Variants in LUZP2 observed in about 807,000 individuals in gnomAD.
LUZP2 encodes the protein leucine zipper protein 2.
A neutral mutation model predicts 51.6 loss-of-function variants in LUZP2; 52 were observed. The observed-to-expected ratio is 1.01, with a 90% CI of 0.81 to 1.27. The LOEUF is 1.27. Among genes scored for constraint, LUZP2 ranks in the 50% most tolerant of loss-of-function variants. LUZP2 has a pLI of 0.00. For missense variants in LUZP2, 436 were observed against 395.4 expected (o/e 1.10, Z -0.87); for synonymous variants, 154 against 137.3 (o/e 1.12, Z -0.85).
intron 10 of LUZP2, among the ~76,000 whole-genome samples, chr11:25,070,797 GTGTGTGT>G (rs1859135738): frequency 6.6e-6 from 1 of 151,138 alleles, no homozygotes; most frequent in Non-Finnish European, 1.5e-5. Flanking sequence ...GTGTGTGTGT[GTGTGTGT>G]GTGTGTGTGT....
chr11:24,677,930 G>A (rs972230348), intron 1 of LUZP2, among the ~76,000 whole-genome samples: 15 of 151,908 alleles, frequency 9.9e-5, no homozygotes, highest in African/African-American at 3.6e-4. Flanking sequence ...CCAGCTACTC[G>A]GGAGGCTGAG....
At chr11:24,854,177 G>A (rs1851481787) in intron 5 of LUZP2, among the ~76,000 whole-genome samples, 1 of 152,336 alleles carries the variant, frequency 6.6e-6, no homozygotes, top group African/African-American at 2.4e-5. Context: ...TCTCTTCAGA[G>A]CCAACAGGCA....
chr11:24,639,281 A>G (rs1855203857), intron 1 of LUZP2, among the ~76,000 whole-genome samples: 1 of 151,702 alleles, frequency 6.6e-6, no homozygotes, highest in South Asian at 2.1e-4. Context: ...GATGGGTCAT[A>G]GTGATTTTCT....
At chr11:24,870,459 A>G (rs1369555533) in intron 5 of LUZP2, among the ~76,000 whole-genome samples, 1 of 142,030 alleles carries the variant, frequency 7.0e-6, no homozygotes, top group African/African-American at 2.6e-5. Context: ...ATCTATGAGC[A>G]CACCAGTTCC....
At chr11:24,905,902 C>A in intron 5 of LUZP2, 89 bp from the exon 6 acceptor site, 2 of 869,550 alleles carry the variant, frequency 2.3e-6, no homozygotes, top group Admixed American at 2.1e-5. Flanking sequence ...AATTTTTGAA[C>A]AGAACATAAA....
intron 1 of LUZP2, among the ~76,000 whole-genome samples, chr11:24,514,650 A>C (rs1850408867): frequency 6.7e-6 from 1 of 148,288 alleles, no homozygotes; most frequent in Admixed American, 6.7e-5. Flanking sequence ...TTGTTAACAT[A>C]ATTTTCTTAA....
At chr11:24,500,646 T>C (rs1389752436) in intron 1 of LUZP2, among the ~76,000 whole-genome samples, 1 of 152,146 alleles carries the variant, frequency 6.6e-6, no homozygotes, top group African/African-American at 2.4e-5. Context: ...TACGCTGTGG[T>C]TATACTCTTG....
At chr11:25,018,437 A>G (rs12274531) in intron 9 of LUZP2, among the ~76,000 whole-genome samples, 87,519 of 151,776 alleles carry the variant, frequency 0.58, 26,630 homozygotes, top group African/African-American at 0.77. Context: ...GTCAGCATGC[A>G]TTATTTAGAA....
intron 9 of LUZP2, among the ~76,000 whole-genome samples, chr11:25,046,802 C>G (rs1026298909): frequency 6.6e-6 from 1 of 151,868 alleles, no homozygotes; most frequent in Non-Finnish European, 1.5e-5. Flanking sequence ...TTTTTTAGAC[C>G]TGTAAAGTAT....
At chr11:24,755,433 A>G (rs1859738528) in intron 4 of LUZP2, among the ~76,000 whole-genome samples, 1 of 152,174 alleles carries the variant, frequency 6.6e-6, no homozygotes, top group South Asian at 2.1e-4. Context: ...AGACAGACTC[A>G]CATCTGAGCT....
At chr11:25,021,418 A>G (rs1299430164) in intron 9 of LUZP2, among the ~76,000 whole-genome samples, 1 of 81,102 alleles carries the variant, frequency 1.2e-5, no homozygotes, top group East Asian at 4.0e-4. Context: ...ATGCATGTGC[A>G]CACAGGTTGT....
At chr11:25,065,906 C>T (rs1858984875) in intron 10 of LUZP2, among the ~76,000 whole-genome samples, 1 of 152,020 alleles carries the variant, frequency 6.6e-6, no homozygotes, top group South Asian at 2.1e-4. Context: ...CGTTCTATGA[C>T]ACATCTTATT....
intron 9 of LUZP2, among the ~76,000 whole-genome samples, chr11:24,995,761 G>T (rs910861029): frequency 2.0e-5 from 3 of 151,392 alleles, no homozygotes; most frequent in Admixed American, 6.6e-5. Flanking sequence ...TTTTTTCAAT[G>T]GTTATCAGCA....
chr11:24,979,599 T>C (rs568362916), intron 8 of LUZP2, among the ~76,000 whole-genome samples: 4 of 152,038 alleles, frequency 2.6e-5, no homozygotes, highest in Admixed American at 2.6e-4. Context: ...CTCAGTTTAG[T>C]ATCTCAGTAT....
At chr11:24,633,617 A>G (rs1854965068) in intron 1 of LUZP2, among the ~76,000 whole-genome samples, 1 of 152,040 alleles carries the variant, frequency 6.6e-6, no homozygotes, top group Admixed American at 6.6e-5. Context: ...ATAATTCAGA[A>G]TAAAATATGT....
chr11:24,959,619 T>C (rs913389806), intron 7 of LUZP2, among the ~76,000 whole-genome samples: 15 of 152,350 alleles, frequency 9.8e-5, no homozygotes, highest in African/African-American at 3.6e-4. Context: ...GAGACTTTGC[T>C]GAAGTTGCTT....
chr11:24,572,583 A>C (rs147535405), intron 1 of LUZP2, among the ~76,000 whole-genome samples: 32 of 152,086 alleles, frequency 2.1e-4, no homozygotes, highest in Admixed American at 6.6e-4. Flanking sequence ...ACAGTTTATC[A>C]CCACATATGT....
intron 1 of LUZP2, among the ~76,000 whole-genome samples, chr11:24,513,249 A>C (rs569355869): frequency 1.3e-5 from 2 of 152,306 alleles, no homozygotes; most frequent in African/African-American, 4.8e-5. Context: ...CAAAATAGCT[A>C]AAAATTAAGT....
At chr11:24,664,589 G>A (rs1306727801) in intron 1 of LUZP2, among the ~76,000 whole-genome samples, 1 of 152,082 alleles carries the variant, frequency 6.6e-6, no homozygotes, top group Non-Finnish European at 1.5e-5. Flanking sequence ...GGTTTCCTGG[G>A]CTGGTCCCAG....
Sources: gnomAD v4.1 joint callset for allele counts (sites outside exome capture counted in the v4.1 genomes callset) on GRCh38, gnomAD v4.1.1 for gene constraint, MANE v1.5 for transcripts, NCBI Gene and HGNC (gene_info 2026-07-23, HGNC 2026-07-21) for gene names.